The following CATSPERT variants were observed in gnomAD, a reference collection of about 807,000 sequenced individuals.
CATSPERT encodes the protein cation channel sperm-associated targeting subunit tau.
At chr2:201,506,903 T>G in the CATSPERT span, among the ~76,000 whole-genome samples, 1 of 152,172 alleles carries the variant, frequency 6.6e-6, no homozygotes, top group African/African-American at 2.4e-5. Flanking sequence ...AAACTAGGAA[T>G]AGGATTAAAA....
the CATSPERT span, among the ~76,000 whole-genome samples, chr2:201,615,611 A>T: frequency 1.0e-3 from 154 of 152,280 alleles, 1 homozygote; most frequent in African/African-American, 3.4e-3. Flanking sequence ...GCAGGAAAGA[A>T]CTAAAATTGA....
chr2:201,491,169 A>C, the CATSPERT span: 199 of 1,521,892 alleles, frequency 1.3e-4, 1 homozygote, highest in South Asian at 2.0e-3. Flanking sequence ...ACATTATTAC[A>C]TGTATAGTTC....
At chr2:201,572,110 T>G in the CATSPERT span, 1 of 885,656 alleles carries the variant, frequency 1.1e-6, no homozygotes, top group Admixed American at 2.0e-5. Flanking sequence ...ACCATAATGC[T>G]ATGAATACCC....
the CATSPERT span, among the ~76,000 whole-genome samples, chr2:201,534,040 TTATC>T: frequency 0.41 from 61,001 of 148,242 alleles, 12,630 homozygotes; most frequent in African/African-American, 0.44. Context: ...GATCTGTATA[TTATC>T]TATCTATCTA....
the CATSPERT span, chr2:201,619,075 C>G: frequency 6.2e-7 from 1 of 1,614,152 alleles, no homozygotes; most frequent in Non-Finnish European, 8.5e-7. Flanking sequence ...TTGGACCTGC[C>G]CGCTGCGGTT....
chr2:201,580,918 C>T, the CATSPERT span, among the ~76,000 whole-genome samples: 54 of 152,284 alleles, frequency 3.5e-4, 1 homozygote, highest in South Asian at 5.0e-3. Context: ...AGTCTGTAAG[C>T]AGCCCAGCTA....
At chr2:201,514,460 C>G in the CATSPERT span, among the ~76,000 whole-genome samples, 2 of 152,064 alleles carry the variant, frequency 1.3e-5, no homozygotes, top group Admixed American at 1.3e-4. Context: ...ATTTCAGAAA[C>G]AGCATCTGAC....
At chr2:201,572,620 T>C in the CATSPERT span, among the ~76,000 whole-genome samples, 1 of 152,148 alleles carries the variant, frequency 6.6e-6, no homozygotes, top group Non-Finnish European at 1.5e-5. Flanking sequence ...ATACTTGTGT[T>C]CAGACACAAA....
chr2:201,576,154 C>T, the CATSPERT span, among the ~76,000 whole-genome samples: 1 of 152,186 alleles, frequency 6.6e-6, no homozygotes, highest in African/African-American at 2.4e-5. Context: ...GTGTATCGAG[C>T]ATCCTTGCCA....
chr2:201,557,037 G>A, the CATSPERT span: 1 of 151,846 alleles, frequency 6.6e-6, no homozygotes. Flanking sequence ...TCTCATTCCA[G>A]CTCTAATATA....
At chr2:201,532,431 G>A in the CATSPERT span, among the ~76,000 whole-genome samples, 1 of 152,106 alleles carries the variant, frequency 6.6e-6, no homozygotes, top group Non-Finnish European at 1.5e-5. Context: ...TTCAGTCTTC[G>A]TCATGTTAAG....
the CATSPERT span, among the ~76,000 whole-genome samples, chr2:201,498,500 G>A: frequency 6.6e-6 from 1 of 152,220 alleles, no homozygotes; most frequent in African/African-American, 2.4e-5. Flanking sequence ...ACTGGACAGT[G>A]CCCACCCACA....
chr2:201,596,516 C>A, the CATSPERT span, among the ~76,000 whole-genome samples: 6 of 152,066 alleles, frequency 3.9e-5, no homozygotes, highest in African/African-American at 1.4e-4. Flanking sequence ...ACAACAAACC[C>A]CCATGACACA....
chr2:201,493,828 C>G, the CATSPERT span: 1 of 1,536,026 alleles, frequency 6.5e-7, no homozygotes, highest in Admixed American at 2.0e-5. Context: ...TTTGGTACTA[C>G]TATTTTTTTT....
At chr2:201,501,395 C>CAAAAAAAAAAAA in the CATSPERT span, among the ~76,000 whole-genome samples, 2 of 46,596 alleles carry the variant, frequency 4.3e-5, no homozygotes, top group African/African-American at 8.4e-5. Context: ...AACTCCATCT[C>CAAAAAAAAAAAA]AAAAAAAAAA....
the CATSPERT span, among the ~76,000 whole-genome samples, chr2:201,595,337 C>G: frequency 6.6e-6 from 1 of 151,834 alleles, no homozygotes; most frequent in South Asian, 2.1e-4. Context: ...TACAGGCGCC[C>G]GCCACCTCGC....
chr2:201,503,133 T>C, the CATSPERT span, among the ~76,000 whole-genome samples: 1 of 152,236 alleles, frequency 6.6e-6, no homozygotes, highest in Non-Finnish European at 1.5e-5. Flanking sequence ...TTATAATGGC[T>C]CTCTTAACAT....
the CATSPERT span, among the ~76,000 whole-genome samples, chr2:201,565,498 AG>A: frequency 1.9e-4 from 29 of 152,212 alleles, no homozygotes; most frequent in African/African-American, 7.0e-4. Context: ...ATAAAAATAA[AG>A]GGAGTTTTCA....
the CATSPERT span, chr2:201,534,290 G>T: frequency 6.7e-6 from 4 of 598,896 alleles, no homozygotes; most frequent in Non-Finnish European, 8.4e-6. Context: ...CAGAAGAACT[G>T]CCCAACAAGC....
Sources: allele counts gnomAD v4.1 joint callset (sites outside exome capture counted in the v4.1 genomes callset), GRCh38; gene constraint gnomAD v4.1.1; transcripts MANE v1.5; gene names NCBI Gene and HGNC (gene_info 2026-07-23, HGNC 2026-07-21).